CNNM1: variants seen among roughly 807,000 people sequenced by gnomAD.
The protein encoded by CNNM1 is cyclin and CBS domain divalent metal cation transport mediator 1.
A neutral mutation model predicts 78.8 loss-of-function variants in CNNM1; 44 were observed. The ratio of observed to expected loss-of-function variants is 0.56; its 90% CI spans 0.44 to 0.72. CNNM1 has a LOEUF of 0.72. Among genes scored for constraint, CNNM1 ranks in the 30% least tolerant of loss-of-function variants. CNNM1 has a pLI of 0.00. For synonymous variants in CNNM1, 584 were observed against 581.5 expected (o/e 1.00, Z -0.06); for missense variants, 1,101 against 1,292.2 (o/e 0.85, Z 2.27).
rs369373358 is a variant in CNNM1, at chr10:99,387,858, C to G, written c.2379C>G (p.Cys793Trp). Reference protein sequence around the residue: ...RQQYQNALTACHMDSSPQSPD... With the variant: ...RQQYQNALTAWHMDSSPQSPD... ...AATATCAGAACGCACTCACTGCCTG[C>G]CACATGGACAGCTCACCTCAGTCCC... The change falls in exon 8 of 11, where the codon TGC (cysteine) becomes TGG (tryptophan). Residue 793 changes from cysteine (C) to tryptophan (W), a missense_variant. Cys to Trp is a radical substitution (Grantham distance 215). This residue lies in a region of CNNM1 where 348 missense variants were observed against 384.5 expected (regional missense o/e 0.90). Transcript: ENST00000356713. 1 of 1,611,456 alleles carries G rather than the reference C, an allele frequency of 6.2e-7. No homozygotes were observed. The highest frequency in any genetic ancestry group is 1.3e-5 in the African/African-American group (1 of 74,868).
intron 1 of CNNM1, among the ~76,000 whole-genome samples, chr10:99,340,748 CTTCT>C (rs199748220): frequency 0.039 from 5,569 of 142,372 alleles, 227 homozygotes; most frequent in East Asian, 0.17. Context: ...CTCCCTCTCT[CTTCT>C]TTCTTTCTTT....
Position 99,340,876 on chromosome 10 carries a change from T to TCCTTCCTTCCTTCCTGCCTGCCTGCCTG in CNNM1, c.1573+9919_1573+9920insTCCTTCCTTCCTGCCTGCCTGCCTGCCT, listed in dbSNP as rs71009744. ...CTCCTTCCCCGCTTCCTTCCTTCCT[T>TCCTTCCTTCCTTCCTGCCTGCCTGCCTG]CCTGCCTGCCTGCCTGCCTGCCTGC... On this transcript the variant is annotated intron_variant, in intron 1 of 10. Coordinates refer to ENST00000356713, the MANE Select transcript of CNNM1 (RefSeq NM_020348.3). Among the ~76,000 whole-genome samples the TCCTTCCTTCCTTCCTGCCTGCCTGCCTG allele has an allele frequency of 5.8e-5, 8 of 138,156 alleles. No homozygotes were observed. In the East Asian group the frequency reaches 1.0e-3, roughly 18 times the overall value. 90.6% of individuals were successfully genotyped at this position (138,156 alleles called of 152,430 possible). A position where few individuals can be genotyped will look rare whatever the true frequency, so the allele number is the denominator to read the frequency against.
rs1010361492 is a variant in CNNM1, at chr10:99,393,168, C to G, written c.*1652C>G. 3.9e-5 allele frequency: 6 copies of G among 152,406 alleles called. No homozygotes were observed. The highest frequency in any genetic ancestry group is 1.4e-4 in the African/African-American group (6 of 41,408). 9.4% of individuals were successfully genotyped at this position (152,406 alleles called of 1,614,324 possible). On this transcript the variant is annotated 3_prime_UTR_variant, in exon 11 of 11. Coordinates refer to ENST00000356713, the MANE Select transcript of CNNM1 (RefSeq NM_020348.3). ...GTCTGCTAAATCTCCAAACCATTCC[C>G]AAACCTTTCCCCGTAGTATACCATC... is the stretch of plus-strand genomic sequence containing the variant.
At chr10:99,334,025 C>G (rs959515096) in intron 1 of CNNM1, among the ~76,000 whole-genome samples, 5 of 152,154 alleles carry the variant, frequency 3.3e-5, no homozygotes, top group Non-Finnish European at 5.9e-5. Flanking sequence ...AAGTAAGGTC[C>G]GTGAAACAGC....
chr10:99,330,342 G>A lies in CNNM1; in HGVS notation c.955G>A (p.Glu319Lys), dbSNP rs1850582767. The change falls in exon 1 of 11, where the codon GAG becomes AAG. Residue 319 changes from glutamate to lysine, a missense_variant. Physicochemically the swap from Glu to Lys is moderately conservative, Grantham distance 56 (BLOSUM62 1). Transcript: ENST00000356713. ...FGGTGEDYSE[E>K]GIHFPWLPAL... ...GGGCACCGGGGAAGACTACAGCGAA[G>A]AGGGGATCCACTTCCCGTGGCTGCC... 1 of 1,601,394 alleles carries A rather than the reference G, an allele frequency of 6.2e-7. No homozygotes were observed. The highest frequency in any genetic ancestry group is 1.1e-5 in the South Asian group (1 of 88,522).
chr10:99,347,499 G>C (rs1238528182), intron 1 of CNNM1, among the ~76,000 whole-genome samples: 1 of 151,030 alleles, frequency 6.6e-6, no homozygotes, highest in Non-Finnish European at 1.5e-5. Context: ...CAGCCTGGGG[G>C]ACAGAGCAAG....
chr10:99,351,503 G>A (rs1035935929), intron 1 of CNNM1, among the ~76,000 whole-genome samples: 5 of 152,086 alleles, frequency 3.3e-5, no homozygotes, highest in South Asian at 2.1e-4. Context: ...ATATTTGAGC[G>A]CCCACTGCCC....
At chr10:99,381,765 A>C (rs915948609) in intron 7 of CNNM1, among the ~76,000 whole-genome samples, 1 of 151,198 alleles carries the variant, frequency 6.6e-6, no homozygotes, top group Non-Finnish European at 1.5e-5. Context: ...CCAAAAAACA[A>C]AAAAAAAACT....
Position 99,372,236 on chromosome 10 carries a change from C to G in CNNM1, c.2177-4819C>G, listed in dbSNP as rs539080276. Among the ~76,000 whole-genome samples the G allele has an allele frequency of 2.0e-4, 31 of 152,306 alleles. No individual in the cohort carries two copies. The South Asian group carries it at 6.4e-3, about 32-fold the overall frequency. ...TTGCCACCCTGCCCCCAATTTTACC[C>G]TAGTGCCTTCCCCACCCAAACCTCA... On this transcript the variant is annotated intron_variant, in intron 6 of 10. Transcript: ENST00000356713.
chr10:99,361,575 GTTT>G, intron 3 of CNNM1, among the ~76,000 whole-genome samples: 1 of 152,172 alleles, frequency 6.6e-6, no homozygotes, highest in South Asian at 2.1e-4. Context: ...TGCTAGCACT[GTTT>G]TAGGTGCTAA....
chr10:99,368,394 AC>A (rs2031691763), intron 6 of CNNM1: 1 of 339,904 alleles, frequency 2.9e-6, no homozygotes, highest in African/African-American at 2.1e-5. Context: ...TTTTCAGATG[AC>A]CTTCAGCAAA....
At chr10:99,389,046 G>A (rs560554175) in intron 9 of CNNM1, among the ~76,000 whole-genome samples, 1 of 152,172 alleles carries the variant, frequency 6.6e-6, no homozygotes, top group East Asian at 1.9e-4. Flanking sequence ...TCCCCCACCC[G>A]ACCTGTCAGA....
chr10:99,390,479 T>C, intron 10 of CNNM1, 72 bp downstream of exon 10: 1 of 1,132,780 alleles, frequency 8.8e-7, no homozygotes, highest in Non-Finnish European at 1.3e-6. Flanking sequence ...TGTTAGCATC[T>C]TCCTCTTGGG....
At chr10:99,352,109 T>A (rs2030970936) in intron 1 of CNNM1, among the ~76,000 whole-genome samples, 5 of 152,182 alleles carry the variant, frequency 3.3e-5, no homozygotes, top group Admixed American at 3.3e-4. Flanking sequence ...AAAGAAACTC[T>A]GTACTCACTT....
intron 6 of CNNM1, among the ~76,000 whole-genome samples, chr10:99,365,928 G>A (rs972737417): frequency 6.6e-6 from 1 of 152,178 alleles, no homozygotes; most frequent in African/African-American, 2.4e-5. Flanking sequence ...GAAATGACTT[G>A]CTTCAAATCA....
intron 1 of CNNM1, among the ~76,000 whole-genome samples, chr10:99,342,055 G>A (rs183595687): frequency 2.6e-5 from 4 of 152,172 alleles, no homozygotes; most frequent in East Asian, 3.9e-4. Context: ...CTGCCCCACC[G>A]TTCTCCACAA....
chr10:99,347,725 T>G (rs2030759061), intron 1 of CNNM1, among the ~76,000 whole-genome samples: 1 of 151,964 alleles, frequency 6.6e-6, no homozygotes, highest in Admixed American at 6.6e-5. Context: ...CTCCCACTAC[T>G]TTCCTCTCCC....
intron 1 of CNNM1, among the ~76,000 whole-genome samples, chr10:99,354,525 T>C (rs1294273506): frequency 3.3e-5 from 5 of 152,214 alleles, no homozygotes; most frequent in Non-Finnish European, 4.4e-5. Context: ...TCCTTTGTCC[T>C]AAAGTAGTTC....
chr10:99,389,519 C>A (rs1057206373), intron 9 of CNNM1, among the ~76,000 whole-genome samples: 1 of 151,858 alleles, frequency 6.6e-6, no homozygotes, highest in Non-Finnish European at 1.5e-5. Context: ...TGTTCCAGGA[C>A]CTGAATTTAG....
Sources: allele counts gnomAD v4.1 joint callset (sites outside exome capture counted in the v4.1 genomes callset), GRCh38; gene constraint gnomAD v4.1.1; regional missense constraint gnomAD v4.1.1; transcripts MANE v1.5; gene names NCBI Gene and HGNC (gene_info 2026-07-23, HGNC 2026-07-21).